GLB1: variants seen among roughly 807,000 people sequenced by gnomAD.
GLB1 encodes galactosidase beta 1.
GLB1 carries 56 observed loss-of-function variants against 74.0 expected under a neutral mutation model. The observed-to-expected ratio is 0.76, with a 90% CI of 0.61 to 0.94. GLB1 has a LOEUF of 0.94. Ranked by LOEUF, GLB1 falls within the 40% of genes least tolerant of loss-of-function variation. GLB1 has a pLI of 0.00. For synonymous variants in GLB1, 323 were observed against 323.6 expected, an observed-to-expected ratio of 1.00 and a Z score of 0.02; for missense variants, 787 against 845.5, an observed-to-expected ratio of 0.93 and a Z score of 0.86.
intron 15 of GLB1, among the ~76,000 whole-genome samples, chr3:33,011,930 C>T (rs573657253): frequency 5.3e-4 from 80 of 152,308 alleles, no homozygotes; most frequent in African/African-American, 1.9e-3. Flanking sequence ...TGGAACAAGG[C>T]TTACTGATTC....
intron 12 of GLB1, among the ~76,000 whole-genome samples, chr3:33,019,898 T>G (rs1047692352): frequency 1.3e-5 from 2 of 152,110 alleles, no homozygotes; most frequent in African/African-American, 4.8e-5. Context: ...GAAATAGATA[T>G]TCTGTGGACT....
the GLB1 span, among the ~76,000 whole-genome samples, chr3:32,985,324 T>C: frequency 6.6e-6 from 1 of 152,156 alleles, no homozygotes; most frequent in African/African-American, 2.4e-5. Flanking sequence ...GGAGTCTCGC[T>C]CTGTCGCCCA....
At chr3:33,065,726 G>A (rs954200986) in intron 4 of GLB1, among the ~76,000 whole-genome samples, 169 bp from the exon 5 acceptor site, 23 of 152,190 alleles carry the variant, frequency 1.5e-4, no homozygotes, top group African/African-American at 4.6e-4. Flanking sequence ...CCAGCACTTT[G>A]GGAGGCTGAG....
chr3:33,034,097 TA>T, intron 10 of GLB1: 1 of 587,946 alleles, frequency 1.7e-6, no homozygotes, highest in Non-Finnish European at 3.3e-6. Context: ...ATTGTGCTCC[TA>T]TGATTGGAAA....
In GLB1 at chr3:33,025,573, C is replaced by T. The variant is rs899636669; in HGVS notation, c.1069-1248G>A. Among the ~76,000 whole-genome samples, 36 of 151,574 alleles carry T rather than the reference C, an allele frequency of 2.4e-4. 1 individual carries two copies. In the South Asian group the frequency reaches 5.2e-3, roughly 22 times the overall value. ...CTGGCAGCATCGCCTCTTTGTAGCC[C>T]GGAGCAGCTGCTGCCATCACGCTGG... is the stretch of plus-strand genomic sequence containing the variant. On this transcript the variant is annotated intron_variant, in intron 10 of 15. Coordinates refer to ENST00000307363, the MANE Select transcript of GLB1 (RefSeq NM_000404.4).
intron 1 of GLB1, among the ~76,000 whole-genome samples, chr3:33,079,692 T>C (rs1161902991): frequency 6.6e-6 from 1 of 152,092 alleles, no homozygotes; most frequent in African/African-American, 2.4e-5. Flanking sequence ...CTCTGGAGAG[T>C]ATGTAGCCCT....
intron 10 of GLB1, among the ~76,000 whole-genome samples, chr3:33,041,085 T>C (rs545695890): frequency 2.6e-4 from 39 of 152,136 alleles, no homozygotes; most frequent in African/African-American, 8.9e-4. Context: ...TAGAAATAAA[T>C]ATTTGAAGAC....
rs138463121 is a variant in GLB1, at chr3:33,024,618, C to CT, written c.1069-294dup. ...GAGAATGAGGGTAAACAGCAGAAGG[C>CT]TAGGGGAGTGGGAGGAAAAAAGGAA... On this transcript the variant is annotated intron_variant, in intron 10 of 15. Coordinates refer to ENST00000307363, the MANE Select transcript of GLB1 (RefSeq NM_000404.4). Among the ~76,000 whole-genome samples the CT allele has an allele frequency of 6.7e-3, 1,027 of 152,178 alleles. 1 individual carries two copies. Among genetic ancestry groups the CT allele is most frequent in the Non-Finnish European group, 0.011 (757 of 68,004 alleles).
chr3:33,096,007 GGTT>G (rs1701009114), intron 1 of GLB1, among the ~76,000 whole-genome samples: 1 of 152,190 alleles, frequency 6.6e-6, no homozygotes, highest in Non-Finnish European at 1.5e-5. Flanking sequence ...GTTCAATCTT[GGTT>G]GTAGATAAAT....
At chr3:33,092,380 C>T in intron 1 of GLB1, 2 of 989,392 alleles carry the variant, frequency 2.0e-6, no homozygotes, top group Non-Finnish European at 2.4e-6. Context: ...CTACCCCTTC[C>T]CCAGAAAGGC....
rs562799869 is a variant in GLB1 at position 33,082,395 on chromosome 3, C to G, written c.76-9682G>C. On this transcript the variant is annotated intron_variant, in intron 1 of 15. Transcript: ENST00000307363. ...AAGCTCTGGAACTGCCCACTCCCCACTCCCACTCAAGATAAATCTGAAGCA... is the reference window on the plus strand; with the variant it reads ...AAGCTCTGGAACTGCCCACTCCCCAGTCCCACTCAAGATAAATCTGAAGCA... Among the ~76,000 whole-genome samples, 15 of 152,324 alleles carry G rather than the reference C, an allele frequency of 9.8e-5. No individual in the cohort carries two copies. In the South Asian group the frequency reaches 2.9e-3, roughly 29 times the overall value.
rs781080459 is a variant in GLB1, at chr3:33,051,775, T to C, written c.938A>G (p.Asn313Ser). 2 of 1,614,156 alleles carry C rather than the reference T, an allele frequency of 1.2e-6. No homozygotes were observed. Among genetic ancestry groups the C allele is most frequent in the African/African-American group, 1.3e-5 (1 of 75,036 alleles). ...VNLYMFIGGT[N>S]FAYWNGANSP... Reference sequence around the variant, plus strand: ...GCTCTTACCATTCCAATAGGCAAAATTGGTCCCACCTATAAACATGTACCT... The same window carrying C: ...GCTCTTACCATTCCAATAGGCAAAACTGGTCCCACCTATAAACATGTACCT... Residue 313 changes from asparagine to serine, a missense_variant, in exon 9 of 16, where the codon AAT becomes AGT. Coordinates refer to ENST00000307363, the MANE Select transcript of GLB1 (RefSeq NM_000404.4).
At chr3:33,057,978 A>C (rs1699287191) in intron 6 of GLB1, 111 bp downstream of exon 6, 1 of 1,409,684 alleles carries the variant, frequency 7.1e-7, no homozygotes, top group African/African-American at 1.4e-5. Context: ...AAAAATGAAA[A>C]CATGAAAAAT....
At chr3:33,074,385 G>GAAAGAGAAAGAAAGAAAGAAAGAAAGA (rs1338351259) in intron 1 of GLB1, among the ~76,000 whole-genome samples, 1 of 19,854 alleles carries the variant, frequency 5.0e-5, no homozygotes, top group African/African-American at 1.6e-4. Context: ...AGGAAGGAAG[G>GAAAGAGAAAGAAAGAAAGAAAGAAAGA]AAGGAAGAAA....
intron 10 of GLB1, among the ~76,000 whole-genome samples, chr3:33,041,163 C>T (rs947536207): frequency 1.3e-5 from 2 of 151,976 alleles, no homozygotes; most frequent in Admixed American, 6.6e-5. Flanking sequence ...AACTACCAAG[C>T]AGGATAAACG....
intron 12 of GLB1, among the ~76,000 whole-genome samples, chr3:33,019,577 C>T (rs1301248169): frequency 6.6e-6 from 1 of 152,186 alleles, no homozygotes; most frequent in Non-Finnish European, 1.5e-5. Flanking sequence ...ATCCACCTTC[C>T]TGTGTTGCAG....
At chr3:32,989,862 C>T in the GLB1 span, among the ~76,000 whole-genome samples, 10 of 152,116 alleles carry the variant, frequency 6.6e-5, no homozygotes, top group African/African-American at 2.2e-4. Flanking sequence ...GAGCTGCATG[C>T]CACCCGCCCT....
chr3:32,966,888 C>T, the GLB1 span, among the ~76,000 whole-genome samples: 3 of 152,178 alleles, frequency 2.0e-5, no homozygotes, highest in Admixed American at 6.5e-5. Context: ...CGTGCCTTTG[C>T]TCCTCCTTGC....
intron 10 of GLB1, among the ~76,000 whole-genome samples, chr3:33,041,904 T>G (rs9858291): frequency 0.9 from 136,541 of 151,878 alleles, 62,750 homozygotes; most frequent in Non-Finnish European, 1. Flanking sequence ...TCTCCACTAG[T>G]ACATATACTA....
Sources: gnomAD v4.1 joint callset for allele counts (sites outside exome capture counted in the v4.1 genomes callset) on GRCh38, gnomAD v4.1.1 for gene constraint, MANE v1.5 for transcripts, NCBI Gene and HGNC (gene_info 2026-07-23, HGNC 2026-07-21) for gene names.